The following TENM3 variants were observed in gnomAD, a reference collection of about 807,000 sequenced individuals.
TENM3 encodes the protein teneurin transmembrane protein 3, also known as teneurin-3.
Under a neutral mutation model 255.1 loss-of-function variants are expected in TENM3, and 63 were observed. That is an observed-to-expected ratio of 0.25 (90% CI 0.20 to 0.30). The LOEUF is 0.30. Ranked by LOEUF, TENM3 falls within the 10% of genes least tolerant of loss-of-function variation. TENM3 has a pLI of 1.00. For synonymous variants in TENM3, 1,306 were observed against 1,322.3 expected (o/e 0.99, Z 0.27); for missense variants, 2,929 against 3,461.1 (o/e 0.85, Z 3.86).
chr4:182,187,896 G>A (rs537485841), intron 1 of TENM3, among the ~76,000 whole-genome samples: 4 of 152,076 alleles, frequency 2.6e-5, no homozygotes, highest in South Asian at 2.1e-4. Context: ...TCCATAAAAC[G>A]AAATGGATTA....
At chr4:182,784,622 C>G (rs1383194437) in intron 24 of TENM3, among the ~76,000 whole-genome samples, 1 of 151,810 alleles carries the variant, frequency 6.6e-6, no homozygotes, top group South Asian at 2.1e-4. Context: ...CCTAAGCAAG[C>G]CTGGGCAATG....
chr4:182,700,498 G>T (rs1451577495), intron 12 of TENM3, among the ~76,000 whole-genome samples: 1 of 152,084 alleles, frequency 6.6e-6, no homozygotes, highest in Non-Finnish European at 1.5e-5. Context: ...TAACATATTC[G>T]CAGATTATGG....
At chr4:182,114,325 G>T in the TENM3 span, among the ~76,000 whole-genome samples, 1 of 81,928 alleles carries the variant, frequency 1.2e-5, no homozygotes, top group Non-Finnish European at 2.8e-5. Flanking sequence ...TTTAGTCTGA[G>T]AATTTTTGAC....
chr4:181,755,009 G>A, the TENM3 span, among the ~76,000 whole-genome samples: 4 of 152,248 alleles, frequency 2.6e-5, no homozygotes, highest in South Asian at 8.3e-4. Flanking sequence ...AGGGTTTGCT[G>A]GTTGCCAGTG....
chr4:182,676,255 G>T (rs1397932804), intron 7 of TENM3, among the ~76,000 whole-genome samples: 2 of 152,222 alleles, frequency 1.3e-5, no homozygotes, highest in Admixed American at 6.5e-5. Flanking sequence ...CCTGATGCCA[G>T]TTCATTCTCC....
chr4:181,826,946 A>G, the TENM3 span, among the ~76,000 whole-genome samples: 1 of 152,322 alleles, frequency 6.6e-6, no homozygotes, highest in East Asian at 1.9e-4. Context: ...CTTTCCCAGG[A>G]AAGAAGTGTG....
chr4:181,883,229 G>A, the TENM3 span, among the ~76,000 whole-genome samples: 5 of 145,174 alleles, frequency 3.4e-5, no homozygotes, highest in African/African-American at 1.0e-4. Context: ...TCCCCAAGAG[G>A]AGAGACCAAG....
the TENM3 span, among the ~76,000 whole-genome samples, chr4:181,604,168 G>A: frequency 7.2e-5 from 11 of 152,120 alleles, no homozygotes; most frequent in Non-Finnish European, 1.0e-4. Flanking sequence ...GGGAGGCTGA[G>A]GCAGGAGAAT....
chr4:181,953,747 A>G, the TENM3 span, among the ~76,000 whole-genome samples: 2 of 152,186 alleles, frequency 1.3e-5, no homozygotes, highest in South Asian at 2.1e-4. Flanking sequence ...GAGTGGAAAT[A>G]TAAGCTCAGG....
At chr4:182,697,383 G>A (rs1160495611) in intron 12 of TENM3, among the ~76,000 whole-genome samples, 3 of 152,194 alleles carry the variant, frequency 2.0e-5, no homozygotes, top group Non-Finnish European at 2.9e-5. Context: ...AGTTGAGGGG[G>A]AGATTCTCCT....
At chr4:181,748,635 G>T in the TENM3 span, among the ~76,000 whole-genome samples, 2 of 152,032 alleles carry the variant, frequency 1.3e-5, no homozygotes, top group African/African-American at 4.8e-5. Flanking sequence ...AGATGTTCCT[G>T]AAATAAGCAT....
chr4:182,603,708 T>G (rs1403102229), intron 4 of TENM3, among the ~76,000 whole-genome samples: 1 of 150,758 alleles, frequency 6.6e-6, no homozygotes, highest in Non-Finnish European at 1.5e-5. Context: ...TATCCAGACT[T>G]GTGTCTGCCT....
In TENM3 at chr4:182,789,184, T is replaced by C. The variant is rs941219867; in HGVS notation, c.5396T>C (p.Ile1799Thr). The C allele has an allele frequency of 6.2e-7, 1 of 1,613,016 alleles. No homozygotes were observed. Among genetic ancestry groups the C allele is most frequent in the African/African-American group, 1.3e-5 (1 of 75,002 alleles). ...YDDHRKFLLR[I>T]AYDTSGHPTL... The stretch of plus-strand genomic sequence containing the variant: ...GACCACCGTAAATTTCTACTGAGGA[T>C]CGCCTACGACACGTCTGGGCACCCG... Residue 1799 changes from isoleucine to threonine, a missense_variant, in exon 25 of 28, where the codon ATC (isoleucine) becomes ACC (threonine). Ile to Thr is a moderately conservative substitution (Grantham distance 89, BLOSUM62 -1). This residue lies in a region of TENM3 where 303 missense variants were observed against 425.2 expected (regional missense o/e 0.71). Coordinates refer to ENST00000511685, the MANE Select transcript of TENM3 (RefSeq NM_001080477.4). The surrounding 1 kb of genome is among the most constrained non-coding windows in gnomAD (Gnocchi z 4.4).
intron 24 of TENM3, 56 bp downstream of exon 24, chr4:182,775,209 ATCCT>A: frequency 1.3e-6 from 2 of 1,526,956 alleles, no homozygotes; most frequent in Non-Finnish European, 1.8e-6. Flanking sequence ...TGTGCAGATC[ATCCT>A]GAGGGCAGGT....
chr4:182,734,494 G>A (rs1374939128), intron 16 of TENM3, among the ~76,000 whole-genome samples: 1 of 152,198 alleles, frequency 6.6e-6, no homozygotes, highest in Non-Finnish European at 1.5e-5. Flanking sequence ...GAGTGAACAG[G>A]CTGTTCTTGT....
intron 13 of TENM3, among the ~76,000 whole-genome samples, chr4:182,722,309 C>G (rs1759800304): frequency 6.6e-6 from 1 of 151,508 alleles, no homozygotes; most frequent in South Asian, 2.1e-4. Flanking sequence ...AGAAAAAAAG[C>G]AGGGCATCTC....
chr4:182,636,702 GTGAGACT>G (rs1365199434), intron 5 of TENM3, among the ~76,000 whole-genome samples: 31 of 148,274 alleles, frequency 2.1e-4, no homozygotes, highest in African/African-American at 7.7e-4. Flanking sequence ...GGGCAACAGA[GTGAGACT>G]CTGTCTCAAA....
chr4:182,414,979 C>T (rs941032400), intron 3 of TENM3, among the ~76,000 whole-genome samples: 1 of 152,206 alleles, frequency 6.6e-6, no homozygotes, highest in Non-Finnish European at 1.5e-5. Flanking sequence ...TGTGCTACTT[C>T]GCTAGTTTTC....
the TENM3 span, among the ~76,000 whole-genome samples, chr4:181,663,396 C>T: frequency 7.7e-4 from 117 of 152,176 alleles, 2 homozygotes; most frequent in Middle Eastern, 6.8e-3. Context: ...TTGGGGCCAC[C>T]GTGCACTCTA....
Sources: gnomAD v4.1 joint callset for allele counts (sites outside exome capture counted in the v4.1 genomes callset) on GRCh38, gnomAD v4.1.1 for gene constraint, gnomAD v4.1.1 regional missense constraint, Gnocchi (gnomAD v3.1) non-coding constraint, MANE v1.5 for transcripts, NCBI Gene and HGNC (gene_info 2026-07-23, HGNC 2026-07-21) for gene names.